The following PBRM1 variants were observed in gnomAD, a reference collection of about 807,000 sequenced individuals.
PBRM1 encodes polybromo 1, also known as protein polybromo-1.
Under a neutral mutation model 194.5 loss-of-function variants are expected in PBRM1, and 27 were observed. The observed-to-expected ratio is 0.14, with a 90% CI of 0.10 to 0.19. PBRM1 has a LOEUF of 0.19. PBRM1 is among the 10% of genes least tolerant of loss of function. PBRM1 has a pLI of 1.00. For missense variants in PBRM1, 1,466 were observed against 2,077.2 expected, an observed-to-expected ratio of 0.71 and a Z score of 5.72; for synonymous variants, 655 against 693.2, an observed-to-expected ratio of 0.94 and a Z score of 0.87.
intron 29 of PBRM1, among the ~76,000 whole-genome samples, chr3:52,548,863 T>C (rs1403959898): frequency 1.3e-5 from 2 of 152,200 alleles, no homozygotes; most frequent in Non-Finnish European, 2.9e-5. Context: ...ATGACCAAAG[T>C]TGGTTTAGAA....
chr3:52,612,407 C>G (rs1027381402), intron 15 of PBRM1, among the ~76,000 whole-genome samples: 3 of 151,746 alleles, frequency 2.0e-5, no homozygotes, highest in African/African-American at 7.3e-5. Context: ...CAAGGTGAAA[C>G]TTAATCTAAT....
At chr3:52,647,569 C>G (rs1186041676) in intron 7 of PBRM1, among the ~76,000 whole-genome samples, 2 of 141,334 alleles carry the variant, frequency 1.4e-5, no homozygotes, top group East Asian at 4.3e-4. Flanking sequence ...TAAGTAGAAA[C>G]TATCCAAATA....
Position 52,586,748 on chromosome 3 carries a change from C to CAAAAA in PBRM1, c.3124-65_3124-61dup, listed in dbSNP as rs35352950. The CAAAAA allele has an allele frequency of 7.9e-3, 1,442 of 182,836 alleles. 11 individuals carry two copies. The highest frequency in any genetic ancestry group is 0.022 in the African/African-American group (481 of 22,128). 11.3% of individuals were successfully genotyped at this position (182,836 alleles called of 1,614,324 possible). On this transcript the variant is annotated intron_variant, in intron 19 of 29. Transcript: ENST00000296302. ...TTAGGTGAATTTTCTGAAAATCAAT[C>CAAAAA]AAAAAAAAAAAAAAAAAAAGCAAAT...
intron 17 of PBRM1, among the ~76,000 whole-genome samples, chr3:52,597,742 C>T (rs537353834): frequency 9.2e-5 from 14 of 151,422 alleles, no homozygotes; most frequent in East Asian, 2.0e-4. Flanking sequence ...CTCACTGTGT[C>T]GCCCAGGCTG....
intron 13 of PBRM1, 40 bp from the exon 15 acceptor site, chr3:52,624,981 A>T: frequency 7.1e-7 from 1 of 1,416,664 alleles, no homozygotes; most frequent in South Asian, 1.2e-5. Context: ...AAAGAGAAAC[A>T]AAACAAGCAA....
At chr3:52,625,517 T>C (rs1442148446) in intron 13 of PBRM1, among the ~76,000 whole-genome samples, 1 of 152,138 alleles carries the variant, frequency 6.6e-6, no homozygotes, top group Non-Finnish European at 1.5e-5. Flanking sequence ...GAAACCTGTT[T>C]GTAAAGAGAC....
At chr3:52,669,085 A>T (rs2096898158) in intron 2 of PBRM1, among the ~76,000 whole-genome samples, 1 of 152,138 alleles carries the variant, frequency 6.6e-6, no homozygotes, top group Admixed American at 6.5e-5. Context: ...GACCACATAA[A>T]TTTTTTCTGC....
exon 23 of PBRM1, chr3:52,564,131 T>C (rs2084403528): frequency 6.2e-7 from 1 of 1,613,672 alleles, no homozygotes; most frequent in African/African-American, 1.3e-5. Flanking sequence ...CATCTGCTTG[T>C]CGCTCTCATT....
intron 17 of PBRM1, among the ~76,000 whole-genome samples, chr3:52,594,930 G>A (rs999605166): frequency 2.0e-5 from 3 of 152,184 alleles, no homozygotes; most frequent in Non-Finnish European, 4.4e-5. Flanking sequence ...CGTTTGTGCT[G>A]ACAGGTGCAC....
At chr3:52,612,784 T>C (rs1336981150) in intron 15 of PBRM1, among the ~76,000 whole-genome samples, 1 of 151,800 alleles carries the variant, frequency 6.6e-6, no homozygotes, top group Non-Finnish European at 1.5e-5. Context: ...CGTGTCCCTG[T>C]AGTTACAGCT....
At chr3:52,571,798 G>A (rs2087368618) in intron 22 of PBRM1, among the ~76,000 whole-genome samples, 6 of 144,128 alleles carry the variant, frequency 4.2e-5, no homozygotes, top group Non-Finnish European at 6.0e-5. Flanking sequence ...TGAGCAGGGA[G>A]GATGCTTGAG....
intron 3 of PBRM1, among the ~76,000 whole-genome samples, chr3:52,664,783 T>C (rs2096798097): frequency 6.7e-6 from 1 of 148,640 alleles, no homozygotes; most frequent in African/African-American, 2.5e-5. Context: ...GCAGGAAATA[T>C]GAAAAGTTAA....
At chr3:52,606,031 A>T (rs574602734) in intron 16 of PBRM1, among the ~76,000 whole-genome samples, 66 of 146,200 alleles carry the variant, frequency 4.5e-4, no homozygotes, top group Non-Finnish European at 7.3e-4. Context: ...ACACAGTCTC[A>T]CTCTGCTGCC....
At chr3:52,642,076 G>A (rs2153709085) in intron 9 of PBRM1, 31 bp from the exon 11 acceptor site, 2 of 1,103,822 alleles carry the variant, frequency 1.8e-6, no homozygotes, top group Non-Finnish European at 2.8e-6. Flanking sequence ...ATTAGACAGG[G>A]AAGGATGTTA....
intron 29 of PBRM1, among the ~76,000 whole-genome samples, chr3:52,549,881 G>C (rs963045789): frequency 1.3e-5 from 2 of 150,776 alleles, no homozygotes; most frequent in Non-Finnish European, 2.9e-5. Context: ...CTCCAGCCTG[G>C]GCGACAGAGT....
At chr3:52,651,856 G>A in intron 5 of PBRM1, 46 bp from the exon 7 acceptor site, 1 of 1,258,388 alleles carries the variant, frequency 7.9e-7, no homozygotes, top group Non-Finnish European at 1.1e-6. Flanking sequence ...AAACTATTCA[G>A]CTAATGAAAA....
At position 52,678,409 on chromosome 3, in the gene PBRM1, T is replaced by C. The variant is rs528308846; in HGVS notation, c.236+91A>G. 146 of 794,372 alleles carry C rather than the reference T, an allele frequency of 1.8e-4. No individual in the cohort carries two copies. The African/African-American group carries it at 2.3e-3, about 12-fold the overall frequency. 49.2% of individuals were successfully genotyped at this position (794,372 alleles called of 1,614,324 possible). On this transcript the variant is annotated intron_variant, in intron 2 of 29. Coordinates refer to ENST00000296302, the Ensembl canonical transcript of PBRM1. Reference sequence around the variant, plus strand: ...ACCCCAGTATCATTTAAGCCATTCCTGCCAACAAAAAGCTCAATTTCCAAA... The same window carrying C: ...ACCCCAGTATCATTTAAGCCATTCCCGCCAACAAAAAGCTCAATTTCCAAA...
chr3:52,649,251 G>A (rs2153790225), intron 6 of PBRM1, among the ~76,000 whole-genome samples: 1 of 152,308 alleles, frequency 6.6e-6, no homozygotes, highest in South Asian at 2.1e-4. Context: ...CAGGCATCGG[G>A]AGGGCTCTAC....
At chr3:52,640,779 A>G (rs1257147775) in intron 10 of PBRM1, among the ~76,000 whole-genome samples, 1 of 151,894 alleles carries the variant, frequency 6.6e-6, no homozygotes, top group African/African-American at 2.4e-5. Context: ...CTGAGACTAC[A>G]GGTGCGCTCC....
Sources: allele counts gnomAD v4.1 joint callset (sites outside exome capture counted in the v4.1 genomes callset), GRCh38; gene constraint gnomAD v4.1.1; transcripts MANE v1.5; gene names NCBI Gene and HGNC (gene_info 2026-07-23, HGNC 2026-07-21).